PIK3C2G: variants seen among roughly 807,000 people sequenced by gnomAD.
The protein encoded by PIK3C2G is phosphatidylinositol-4-phosphate 3-kinase catalytic subunit type 2 gamma.
A neutral mutation model predicts 181.1 loss-of-function variants in PIK3C2G; 168 were observed. That is an observed-to-expected ratio of 0.93 (90% CI 0.82 to 1.05). The LOEUF is 1.05. Among genes scored for constraint, PIK3C2G ranks in the 50% least tolerant of loss-of-function variants. The pLI, the probability that PIK3C2G is intolerant of heterozygous loss-of-function variation, is 0.00. For missense variants in PIK3C2G, 1,869 were observed against 1,732.8 expected (o/e 1.08, Z -1.40); for synonymous variants, 573 against 592.2 (o/e 0.97, Z 0.47).
At chr12:18,313,645 T>TA (rs541621339) in intron 5 of PIK3C2G, among the ~76,000 whole-genome samples, 99 of 152,270 alleles carry the variant, frequency 6.5e-4, no homozygotes, top group African/African-American at 2.3e-3. Context: ...TCTTATTTGT[T>TA]AAAATTTATT....
the PIK3C2G span, among the ~76,000 whole-genome samples, chr12:18,680,994 A>T: frequency 6.6e-6 from 1 of 151,990 alleles, no homozygotes; most frequent in Non-Finnish European, 1.5e-5. Flanking sequence ...AGTGTGTAGC[A>T]TTGTTGCGTT....
chr12:18,264,943 A>G (rs934404370), intron 1 of PIK3C2G, among the ~76,000 whole-genome samples: 1 of 152,140 alleles, frequency 6.6e-6, no homozygotes, highest in African/African-American at 2.4e-5. Context: ...GCATCTGAAC[A>G]TTTGCTCACT....
chr12:18,285,208 T>C (rs1188133191), intron 2 of PIK3C2G: 2 of 152,064 alleles, frequency 1.3e-5, no homozygotes, highest in South Asian at 2.1e-4. Context: ...CCAGAGACAA[T>C]AGAATGACAT....
At chr12:18,578,356 T>G (rs1277319488) in intron 29 of PIK3C2G, among the ~76,000 whole-genome samples, 1 of 152,180 alleles carries the variant, frequency 6.6e-6, no homozygotes, top group East Asian at 1.9e-4. Flanking sequence ...GGGATAATAT[T>G]CATTATATGA....
At chr12:18,598,710 C>A (rs1404718885) in intron 30 of PIK3C2G, among the ~76,000 whole-genome samples, 3 of 128,934 alleles carry the variant, frequency 2.3e-5, no homozygotes, top group African/African-American at 7.8e-5. Context: ...AGTGAACAGG[C>A]AACCTACAAA....
chr12:18,657,508 C>T, the PIK3C2G span, among the ~76,000 whole-genome samples: 7 of 152,078 alleles, frequency 4.6e-5, no homozygotes, highest in African/African-American at 1.7e-4. Context: ...TATGCAAAGG[C>T]TGAAAGATTT....
the PIK3C2G span, among the ~76,000 whole-genome samples, chr12:18,705,803 T>C: frequency 6.6e-6 from 1 of 151,778 alleles, no homozygotes; most frequent in East Asian, 1.9e-4. Context: ...GAGGCAGAGA[T>C]TACAACGAGC....
At chr12:18,407,356 T>C (rs1336746547) in intron 16 of PIK3C2G, among the ~76,000 whole-genome samples, 1 of 152,142 alleles carries the variant, frequency 6.6e-6, no homozygotes, top group East Asian at 1.9e-4. Context: ...CATTTCACAA[T>C]ATATGACTTG....
chr12:18,349,511 A>G (rs771923996), intron 11 of PIK3C2G, among the ~76,000 whole-genome samples: 2 of 152,184 alleles, frequency 1.3e-5, no homozygotes, highest in Non-Finnish European at 2.9e-5. Flanking sequence ...ACCCCACTCA[A>G]GCTATCAAAG....
intron 25 of PIK3C2G, among the ~76,000 whole-genome samples, chr12:18,545,608 T>C (rs1335374548): frequency 6.6e-6 from 1 of 151,924 alleles, no homozygotes; most frequent in African/African-American, 2.4e-5. Flanking sequence ...GTCTACACTG[T>C]AATATAAACA....
intron 25 of PIK3C2G, among the ~76,000 whole-genome samples, chr12:18,544,588 C>T (rs1944325055): frequency 6.6e-6 from 1 of 151,364 alleles, no homozygotes; most frequent in Admixed American, 6.6e-5. Flanking sequence ...TTATAGGAAC[C>T]AGGAAAAAGA....
intron 18 of PIK3C2G, among the ~76,000 whole-genome samples, chr12:18,460,184 A>T (rs992180441): frequency 6.6e-6 from 1 of 152,172 alleles, no homozygotes; most frequent in Non-Finnish European, 1.5e-5. Context: ...ACACTTAATA[A>T]TTGTATGATT....
intron 1 of PIK3C2G, among the ~76,000 whole-genome samples, chr12:18,278,024 G>A (rs1949056809): frequency 6.6e-6 from 1 of 152,110 alleles, no homozygotes; most frequent in African/African-American, 2.4e-5. Flanking sequence ...TTTTTTGTGT[G>A]TGTGGTCTTC....
At chr12:18,264,509 G>T (rs760950774) in intron 1 of PIK3C2G, among the ~76,000 whole-genome samples, 1 of 152,052 alleles carries the variant, frequency 6.6e-6, no homozygotes, top group Non-Finnish European at 1.5e-5. Flanking sequence ...TTTTCAAAAT[G>T]CTGTTTTGTT....
chr12:18,719,011 G>T, the PIK3C2G span, among the ~76,000 whole-genome samples: 2 of 152,094 alleles, frequency 1.3e-5, no homozygotes, highest in Non-Finnish European at 2.9e-5. Flanking sequence ...ACAATGTACT[G>T]TATTTATGTG....
chr12:18,561,761 T>A (rs930038662), intron 26 of PIK3C2G, among the ~76,000 whole-genome samples: 45 of 151,322 alleles, frequency 3.0e-4, no homozygotes, highest in African/African-American at 9.4e-4. Flanking sequence ...AAAAAAACCT[T>A]TAAAAAGCAG....
the PIK3C2G span, among the ~76,000 whole-genome samples, chr12:18,662,087 G>A: frequency 6.6e-6 from 1 of 152,026 alleles, no homozygotes; most frequent in South Asian, 2.1e-4. Flanking sequence ...AGTACACATG[G>A]ACACAAAAAT....
At chr12:18,671,971 A>G in the PIK3C2G span, among the ~76,000 whole-genome samples, 2 of 152,120 alleles carry the variant, frequency 1.3e-5, no homozygotes, top group Non-Finnish European at 2.9e-5. Flanking sequence ...CTCTTTTATC[A>G]GGACACAAAT....
chr12:18,303,658 C>A (rs1950303578), intron 5 of PIK3C2G, among the ~76,000 whole-genome samples: 1 of 150,916 alleles, frequency 6.6e-6, no homozygotes, highest in Admixed American at 6.6e-5. Context: ...AAATCTTACT[C>A]TAAGTCTTTC....
Sources: gnomAD v4.1 joint callset for allele counts (sites outside exome capture counted in the v4.1 genomes callset) on GRCh38, gnomAD v4.1.1 for gene constraint, MANE v1.5 for transcripts, NCBI Gene and HGNC (gene_info 2026-07-23, HGNC 2026-07-21) for gene names.